The following CDYL variants were observed in gnomAD, a reference collection of about 807,000 sequenced individuals.
CDYL encodes the protein chromodomain Y-like protein.
In CDYL, 8 loss-of-function variants were observed where a neutral mutation model predicts 47.3. The observed-to-expected ratio is 0.17, with a 90% CI of 0.10 to 0.31. The LOEUF (loss-of-function observed/expected upper bound fraction) is 0.31. CDYL is among the 10% of genes least tolerant of loss of function. CDYL has a pLI of 1.00. For missense variants in CDYL, 471 were observed against 701.4 expected (o/e 0.67, Z 3.71); for synonymous variants, 266 against 265.0 (o/e 1.00, Z -0.04).
intron 2 of CDYL, among the ~76,000 whole-genome samples, chr6:4,894,308 A>G (rs1170149476): frequency 1.3e-5 from 2 of 152,148 alleles, no homozygotes; most frequent in Admixed American, 6.5e-5. Context: ...CTCCGTCTTC[A>G]TTGATGACTT....
At chr6:4,888,865 C>A (rs1015602430) in intron 1 of CDYL, among the ~76,000 whole-genome samples, 1 of 152,154 alleles carries the variant, frequency 6.6e-6, no homozygotes, top group African/African-American at 2.4e-5. Context: ...GATTATTTAG[C>A]ATGGGTTAAT....
chr6:4,761,113 A>C (rs539466445), intron 3 of CDYL, among the ~76,000 whole-genome samples: 1 of 152,196 alleles, frequency 6.6e-6, no homozygotes, highest in Non-Finnish European at 1.5e-5. Flanking sequence ...TTTTGCTCCC[A>C]ACTATTGTAC....
chr6:4,887,123 T>TA (rs1332688475), intron 1 of CDYL, among the ~76,000 whole-genome samples: 1 of 152,232 alleles, frequency 6.6e-6, no homozygotes, highest in Non-Finnish European at 1.5e-5. Context: ...TGAAACCAGT[T>TA]AGTGTGAGTT....
chr6:4,769,377 G>A (rs150416009), intron 3 of CDYL, among the ~76,000 whole-genome samples: 525 of 152,236 alleles, frequency 3.4e-3, no homozygotes, highest in Non-Finnish European at 5.0e-3. Context: ...AATAGAATAT[G>A]GTATCCCTCC....
intron 1 of CDYL, among the ~76,000 whole-genome samples, chr6:4,806,533 T>A (rs891195658): frequency 1.3e-5 from 2 of 152,234 alleles, no homozygotes; most frequent in Non-Finnish European, 1.5e-5. Context: ...TGTTAACATC[T>A]TCTGTAACAT....
chr6:4,861,612 A>C (rs982318450), intron 1 of CDYL, among the ~76,000 whole-genome samples: 4 of 152,372 alleles, frequency 2.6e-5, no homozygotes, highest in Non-Finnish European at 5.9e-5. Flanking sequence ...CTATGTTTTC[A>C]TGAGTAAAGC....
intron 2 of CDYL, among the ~76,000 whole-genome samples, chr6:4,721,685 A>G (rs1757372499): frequency 6.6e-6 from 1 of 151,932 alleles, no homozygotes; most frequent in Admixed American, 6.6e-5. Context: ...CTGGCCCAGA[A>G]CTTCCTAAGA....
At chr6:4,862,136 T>C (rs988146339) in intron 1 of CDYL, among the ~76,000 whole-genome samples, 1 of 152,182 alleles carries the variant, frequency 6.6e-6, no homozygotes, top group African/African-American at 2.4e-5. Flanking sequence ...TCTGTTGCTG[T>C]TTTAACGTCC....
At chr6:4,936,291 A>G (rs1758190833) in intron 3 of CDYL, among the ~76,000 whole-genome samples, 1 of 152,196 alleles carries the variant, frequency 6.6e-6, no homozygotes, top group Non-Finnish European at 1.5e-5. Flanking sequence ...ACACATGCTC[A>G]TTGCTGATAG....
chr6:4,757,228 T>C (rs1758089123), intron 3 of CDYL, among the ~76,000 whole-genome samples: 2 of 152,236 alleles, frequency 1.3e-5, no homozygotes, highest in South Asian at 4.1e-4. Flanking sequence ...AAAACATTAT[T>C]ATAATGAGTT....
intron 2 of CDYL, among the ~76,000 whole-genome samples, chr6:4,716,933 G>A (rs1254044410): frequency 2.0e-5 from 3 of 152,026 alleles, no homozygotes; most frequent in Non-Finnish European, 1.5e-5. Flanking sequence ...CCCCAGAGAG[G>A]GACACAGCTA....
At position 4,891,963 on chromosome 6, in the gene CDYL, C is replaced by G. The variant is rs754537308; in HGVS notation, c.275C>G (p.Ser92Cys). 1.9e-6 allele frequency: 3 copies of G among 1,614,202 alleles called. No homozygotes were observed. The highest frequency in any genetic ancestry group is 2.5e-6 in the Non-Finnish European group (3 of 1,180,040). The change falls in exon 2 of 7, where the codon TCT (serine) becomes TGT (cysteine). Residue 92 changes from serine to cysteine, a missense_variant. Coordinates refer to ENST00000397588, the MANE Select transcript of CDYL (RefSeq NM_004824.4). ...TCCAGATCCACCAACAGCAACTTTT[C>G]TAAGACCTCTCCTAAGGCACTCGTG... ...QISRSTNSNFSKTSPKALVIG... is the reference protein window; with the variant it reads ...QISRSTNSNFCKTSPKALVIG...
intron 2 of CDYL, among the ~76,000 whole-genome samples, chr6:4,720,538 A>G (rs962723002): frequency 2.6e-5 from 4 of 152,230 alleles, no homozygotes; most frequent in African/African-American, 9.6e-5. Flanking sequence ...TACTTCATCC[A>G]TAGAAAATGT....
chr6:4,765,180 G>A lies in CDYL; in HGVS notation c.186+30336G>A, dbSNP rs544276984. ...CTACTAAAGTACAGAAAATCAGCCA[G>A]GCATGGTGGTGGGCACTTGTAATCC... On this transcript the variant is annotated intron_variant, in intron 3 of 8. Transcript: ENST00000328908. Among the ~76,000 whole-genome samples, 34 of 152,260 alleles carry A rather than the reference G, an allele frequency of 2.2e-4. 1 individual carries two copies. In the South Asian group the frequency reaches 6.8e-3, roughly 31 times the overall value.
At chr6:4,903,841 G>A (rs913404166) in intron 2 of CDYL, among the ~76,000 whole-genome samples, 2 of 152,154 alleles carry the variant, frequency 1.3e-5, no homozygotes, top group Admixed American at 1.3e-4. Flanking sequence ...TTTTAGTTTC[G>A]GATTCACTCT....
intron 2 of CDYL, among the ~76,000 whole-genome samples, chr6:4,911,587 G>A (rs1757417802): frequency 6.6e-6 from 1 of 152,112 alleles, no homozygotes; most frequent in Non-Finnish European, 1.5e-5. Context: ...AACCACTTTT[G>A]GTATTGGTTC....
intron 2 of CDYL, among the ~76,000 whole-genome samples, chr6:4,896,857 A>C (rs1762298026): frequency 1.3e-5 from 2 of 152,220 alleles, no homozygotes; most frequent in African/African-American, 2.4e-5. Context: ...TTTTGCCACC[A>C]AAAACCACAG....
chr6:4,828,468 T>G (rs1014079328), intron 1 of CDYL, among the ~76,000 whole-genome samples: 4 of 152,078 alleles, frequency 2.6e-5, no homozygotes, highest in African/African-American at 9.7e-5. Context: ...CCTTCCATGA[T>G]TTCTGTTGAG....
chr6:4,849,282 G>A (rs772274556), intron 1 of CDYL, among the ~76,000 whole-genome samples: 1 of 152,204 alleles, frequency 6.6e-6, no homozygotes, highest in Non-Finnish European at 1.5e-5. Context: ...CTTCATAATG[G>A]TGTTGGAGCC....
Sources: gnomAD v4.1 joint callset for allele counts (sites outside exome capture counted in the v4.1 genomes callset) on GRCh38, gnomAD v4.1.1 for gene constraint, MANE v1.5 for transcripts, NCBI Gene and HGNC (gene_info 2026-07-23, HGNC 2026-07-21) for gene names.